ZFP82: variants seen among roughly 807,000 people sequenced by gnomAD.
The protein encoded by ZFP82 is ZFP82 zinc finger protein.
ZFP82 carries 30 observed loss-of-function variants against 54.0 expected under a neutral mutation model. That is an observed-to-expected ratio of 0.56 (90% CI 0.42 to 0.75). ZFP82 has a LOEUF of 0.75. ZFP82 is among the 30% of genes least tolerant of loss of function. The probability of loss-of-function intolerance (pLI) is 0.00; values close to 1 mark genes in which losing one functional copy is unlikely to be tolerated. For missense variants in ZFP82, 500 were observed against 636.8 expected, an observed-to-expected ratio of 0.79 and a Z score of 2.31; for synonymous variants, 194 against 209.5, an observed-to-expected ratio of 0.93 and a Z score of 0.64.
chr19:36,418,323 G>T (rs1291753822), intron 1 of ZFP82, among the ~76,000 whole-genome samples, 169 bp downstream of exon 1: 1 of 151,898 alleles, frequency 6.6e-6, no homozygotes, highest in Non-Finnish European at 1.5e-5. Context: ...GGTCAGTCAC[G>T]CACTCCACGG....
intron 2 of ZFP82, among the ~76,000 whole-genome samples, chr19:36,409,486 G>T (rs1007596983): frequency 6.6e-6 from 1 of 152,088 alleles, no homozygotes; most frequent in African/African-American, 2.4e-5. Flanking sequence ...CCTATGAGTG[G>T]CTAAATGGGC....
chr19:36,391,824 T>C lies in ZFP82; in HGVS notation c.*917A>G, dbSNP rs1315934983. ...AAGGAATTCCTTACTTTCAATATTT[T>C]AACGAGAATAAGATATCTCAAGTTC... On this transcript the variant is annotated 3_prime_UTR_variant, in exon 5 of 5. Coordinates refer to ENST00000392161, the MANE Select transcript of ZFP82 (RefSeq NM_133466.4). 6.6e-6 allele frequency: 1 copy of C among 152,200 alleles called. No individual in the cohort carries two copies. Among genetic ancestry groups the C allele is most frequent in the African/African-American group, 2.4e-5 (1 of 41,454 alleles). The allele number at this position is 152,200 out of a possible 1,614,324, so 9.4% of individuals were successfully genotyped here.
At chr19:36,411,698 T>C (rs1204320366) in intron 1 of ZFP82, among the ~76,000 whole-genome samples, 1 of 151,912 alleles carries the variant, frequency 6.6e-6, no homozygotes, top group Admixed American at 6.6e-5. Context: ...ACCCCGTCTC[T>C]ACTAAAAATA....
chr19:36,388,103 CAA>C (rs1236418793), downstream of ZFP82, among the ~76,000 whole-genome samples: 5 of 152,086 alleles, frequency 3.3e-5, no homozygotes, highest in African/African-American at 1.2e-4. Context: ...TTGCATTGTT[CAA>C]GTCAGGAAAC....
chr19:36,404,101 A>C (rs2032441272), intron 4 of ZFP82, among the ~76,000 whole-genome samples: 1 of 152,138 alleles, frequency 6.6e-6, no homozygotes, highest in Non-Finnish European at 1.5e-5. Context: ...GTGGGGATGG[A>C]AACTTGATTG....
At chr19:36,407,853 C>T in intron 3 of ZFP82, 34 bp downstream of exon 3, 1 of 1,603,036 alleles carries the variant, frequency 6.2e-7, no homozygotes, top group Non-Finnish European at 8.5e-7. Context: ...TTACAGAGAA[C>T]ACAGTCTAAA....
rs534307492 is a variant in ZFP82, at chr19:36,399,531, G to C, written c.230-5421C>G. Among the ~76,000 whole-genome samples, 6 of 152,260 alleles carry C rather than the reference G, an allele frequency of 3.9e-5. No individual in the cohort carries two copies. The South Asian group carries it at 1.2e-3, about 32-fold the overall frequency. ...TGGGTCAGTGGCTGGTCATGTCCTG[G>C]GGATACAGCCACAGTCGCAGGCCCA... On this transcript the variant is annotated intron_variant, in intron 4 of 4. Coordinates refer to ENST00000392161, the MANE Select transcript of ZFP82 (RefSeq NM_133466.4).
chr19:36,389,199 A>G lies in ZFP82; in HGVS notation c.*3542T>C, dbSNP rs2032153624. Among the ~76,000 whole-genome samples, 2 of 151,900 alleles carry G rather than the reference A, an allele frequency of 1.3e-5. No homozygotes were observed. The highest frequency in any genetic ancestry group is 6.6e-5 in the Admixed American group (1 of 15,224). On this transcript the variant is annotated 3_prime_UTR_variant, in exon 5 of 5. Coordinates refer to ENST00000392161, the MANE Select transcript of ZFP82 (RefSeq NM_133466.4). The stretch of plus-strand genomic sequence containing the variant: ...GGACTACAGGCGTGCCACCATGTCC[A>G]GCTAATTTTTGTATTTTTAGTAGAG...
chr19:36,384,887 A>C (rs2032098678), downstream of ZFP82, among the ~76,000 whole-genome samples: 1 of 152,250 alleles, frequency 6.6e-6, no homozygotes, highest in South Asian at 2.1e-4. Context: ...AATTAATGAC[A>C]TCTGCCCAAT....
intron 1 of ZFP82, among the ~76,000 whole-genome samples, chr19:36,417,301 T>A (rs2032689935): frequency 6.6e-6 from 1 of 152,084 alleles, no homozygotes; most frequent in African/African-American, 2.4e-5. Flanking sequence ...TTCTAAGAAC[T>A]TTACACATAG....
At chr19:36,387,764 G>A (rs532643169), downstream of ZFP82, among the ~76,000 whole-genome samples, 3 of 152,190 alleles carry the variant, frequency 2.0e-5, no homozygotes, top group Non-Finnish European at 4.4e-5. Context: ...ACAGGCATGC[G>A]CCACCATGCC....
intron 1 of ZFP82, among the ~76,000 whole-genome samples, chr19:36,414,810 G>A (rs2032641236): frequency 6.7e-6 from 1 of 148,694 alleles, no homozygotes; most frequent in Non-Finnish European, 1.5e-5. Flanking sequence ...CTTTGATAAG[G>A]TATCATATTA....
chr19:36,405,315 G>A (rs1206056723), intron 4 of ZFP82, among the ~76,000 whole-genome samples: 18 of 152,026 alleles, frequency 1.2e-4, no homozygotes, highest in Admixed American at 1.2e-3. Flanking sequence ...GAAAACTAGA[G>A]AGAACAATAA....
intron 4 of ZFP82, among the ~76,000 whole-genome samples, chr19:36,396,695 A>C (rs1446376622): frequency 1.3e-5 from 2 of 151,974 alleles, no homozygotes; most frequent in African/African-American, 4.8e-5. Context: ...TTAAAAAATT[A>C]GCTGGGCATG....
intron 1 of ZFP82, among the ~76,000 whole-genome samples, chr19:36,417,658 A>G (rs2032695790): frequency 1.3e-5 from 2 of 152,128 alleles, no homozygotes; most frequent in Admixed American, 1.3e-4. Flanking sequence ...CCCACACATA[A>G]CCAGAGTAAC....
At chr19:36,395,776 AAATT>A (rs2032282975) in intron 4 of ZFP82, 1 of 152,246 alleles carries the variant, frequency 6.6e-6, no homozygotes, top group African/African-American at 2.4e-5. Flanking sequence ...CTAAAACTGG[AAATT>A]AATAATAAAA....
At chr19:36,394,239 G>A in intron 4 of ZFP82, 129 bp from the exon 5 acceptor site, 7 of 898,446 alleles carry the variant, frequency 7.8e-6, no homozygotes, top group South Asian at 1.9e-5. Context: ...TATACAATTT[G>A]GAAAGAAAAA....
chr19:36,387,810 C>T (rs1187149081), downstream of ZFP82, among the ~76,000 whole-genome samples: 3 of 152,130 alleles, frequency 2.0e-5, no homozygotes, highest in Admixed American at 6.5e-5. Flanking sequence ...GATGGGGTTT[C>T]GCCATGTTGG....
Position 36,404,132 on chromosome 19 carries a change from T to C in ZFP82, c.229+1448A>G, listed in dbSNP as rs565896771. Among the ~76,000 whole-genome samples the C allele has an allele frequency of 1.8e-4, 27 of 152,286 alleles. No individual in the cohort carries two copies. In the South Asian group the frequency reaches 5.4e-3, roughly 30 times the overall value. ...GATTGGTTGTTTACCACTATATTGA[T>C]AGTGTCTGTGACAGTGCCCAGCTCC... is the stretch of plus-strand genomic sequence containing the variant. On this transcript the variant is annotated intron_variant, in intron 4 of 4. Transcript: ENST00000392161.
Sources: gnomAD v4.1 joint callset for allele counts (sites outside exome capture counted in the v4.1 genomes callset) on GRCh38, gnomAD v4.1.1 for gene constraint, MANE v1.5 for transcripts, NCBI Gene and HGNC (gene_info 2026-07-23, HGNC 2026-07-21) for gene names.